The following ZNF385B variants were observed in gnomAD, a reference collection of about 807,000 sequenced individuals.
The protein encoded by ZNF385B is zinc finger protein 385B, also known as zinc finger protein 533.
Under a neutral mutation model 39.2 loss-of-function variants are expected in ZNF385B, and 23 were observed. The observed-to-expected ratio is 0.59, with a 90% CI of 0.42 to 0.83. The LOEUF is 0.83. Among genes scored for constraint, ZNF385B ranks in the 40% least tolerant of loss-of-function variants. The pLI, the probability that ZNF385B is intolerant of heterozygous loss-of-function variation, is 0.00. For synonymous variants in ZNF385B, 205 were observed against 222.6 expected, an observed-to-expected ratio of 0.92 and a Z score of 0.70; for missense variants, 552 against 598.9, an observed-to-expected ratio of 0.92 and a Z score of 0.82.
intron 6 of ZNF385B, among the ~76,000 whole-genome samples, chr2:179,451,156 C>T (rs6750512): frequency 0.089 from 13,204 of 148,312 alleles, 796 homozygotes; most frequent in Admixed American, 0.13. Context: ...TGTTAAATGA[C>T]GAGTTAGTGG....
At chr2:179,779,052 A>G (rs904105203) in intron 1 of ZNF385B, among the ~76,000 whole-genome samples, 2 of 152,214 alleles carry the variant, frequency 1.3e-5, no homozygotes, top group African/African-American at 4.8e-5. Context: ...TCTTAAATTG[A>G]TTATATTTAC....
intron 1 of ZNF385B, among the ~76,000 whole-genome samples, chr2:179,854,841 T>C (rs1224154187): frequency 6.6e-6 from 1 of 152,210 alleles, no homozygotes; most frequent in Non-Finnish European, 1.5e-5. Flanking sequence ...AAAGTACACA[T>C]CACATCACAG....
chr2:179,486,636 T>C (rs557566758), intron 5 of ZNF385B, among the ~76,000 whole-genome samples: 8 of 152,272 alleles, frequency 5.3e-5, no homozygotes, highest in African/African-American at 1.9e-4. Context: ...AAGTTCCACT[T>C]TTAGGCCAGG....
intron 3 of ZNF385B, among the ~76,000 whole-genome samples, chr2:179,614,943 T>A (rs1397235890): frequency 6.6e-6 from 1 of 152,364 alleles, no homozygotes; most frequent in East Asian, 1.9e-4. Flanking sequence ...CCTCTGGTAT[T>A]TGTCCTACTT....
chr2:179,739,302 T>C (rs1212033202), intron 3 of ZNF385B, among the ~76,000 whole-genome samples: 1 of 152,214 alleles, frequency 6.6e-6, no homozygotes, highest in Admixed American at 6.5e-5. Flanking sequence ...GGAGAGCTGA[T>C]CTGATGCGGT....
intron 3 of ZNF385B, among the ~76,000 whole-genome samples, chr2:179,691,128 T>C (rs1439284091): frequency 2.0e-5 from 3 of 152,204 alleles, no homozygotes; most frequent in Admixed American, 2.0e-4. Flanking sequence ...ATCACATTGA[T>C]TTGTGCTATA....
Position 179,847,077 on chromosome 2 carries a change from T to G in ZNF385B, c.-155+14024A>C, listed in dbSNP as rs1423067524. Reference sequence around the variant, plus strand: ...CTTAGTTAACAGTGTTTAAAATCGCTGAAGAACACAAATATACTCTTCCCC... The same window carrying G: ...CTTAGTTAACAGTGTTTAAAATCGCGGAAGAACACAAATATACTCTTCCCC... On this transcript the variant is annotated intron_variant, in intron 1 of 9. Transcript: ENST00000410066. 2.6e-5 allele frequency among the ~76,000 whole-genome samples: 4 copies of G among 152,252 alleles called. No homozygotes were observed. In the East Asian group the frequency reaches 7.7e-4, roughly 29 times the overall value.
chr2:179,475,589 G>A (rs1428205086), intron 6 of ZNF385B, among the ~76,000 whole-genome samples: 2 of 151,576 alleles, frequency 1.3e-5, no homozygotes, highest in Non-Finnish European at 2.9e-5. Flanking sequence ...CTATAGAAAT[G>A]AGAGCACCAA....
At chr2:179,520,383 A>C (rs1448642077) in intron 4 of ZNF385B, among the ~76,000 whole-genome samples, 1 of 152,128 alleles carries the variant, frequency 6.6e-6, no homozygotes, top group Admixed American at 6.5e-5. Context: ...TGGAAAATCT[A>C]GGGATTCATA....
intron 1 of ZNF385B, among the ~76,000 whole-genome samples, chr2:179,775,032 A>C (rs911265601): frequency 9.8e-5 from 15 of 152,288 alleles, no homozygotes; most frequent in African/African-American, 3.6e-4. Context: ...CCATTTAACT[A>C]TGTTGAAATG....
At chr2:179,466,825 G>A (rs1053398401) in intron 6 of ZNF385B, among the ~76,000 whole-genome samples, 4 of 143,656 alleles carry the variant, frequency 2.8e-5, no homozygotes, top group African/African-American at 1.0e-4. Context: ...GGAGGCTGAG[G>A]CAGAAGAATT....
intron 1 of ZNF385B, among the ~76,000 whole-genome samples, chr2:179,821,144 AC>A (rs1363146127): frequency 1.3e-5 from 2 of 152,128 alleles, no homozygotes; most frequent in Non-Finnish European, 1.5e-5. Flanking sequence ...CCTGCAGCTG[AC>A]CAGTGGACAC....
At chr2:179,630,984 G>A (rs1459078298) in intron 3 of ZNF385B, among the ~76,000 whole-genome samples, 1 of 152,158 alleles carries the variant, frequency 6.6e-6, no homozygotes, top group Non-Finnish European at 1.5e-5. Context: ...AGAGTAAAAA[G>A]AAATGAACAA....
intron 5 of ZNF385B, among the ~76,000 whole-genome samples, chr2:179,486,629 T>C (rs370868937): frequency 1.3e-5 from 2 of 152,274 alleles, no homozygotes; most frequent in African/African-American, 2.4e-5. Context: ...GTAAAGAAAG[T>C]TCCACTTTTA....
chr2:179,786,723 T>C (rs1705028725), intron 1 of ZNF385B, among the ~76,000 whole-genome samples: 1 of 151,924 alleles, frequency 6.6e-6, no homozygotes, highest in African/African-American at 2.4e-5. Flanking sequence ...TTTTTGACTA[T>C]TTAAAGATAT....
intron 3 of ZNF385B, among the ~76,000 whole-genome samples, chr2:179,725,979 CT>C (rs2106415492): frequency 6.7e-6 from 1 of 150,342 alleles, no homozygotes; most frequent in African/African-American, 2.4e-5. Context: ...AGCACACTAC[CT>C]TCCCACCTTA....
rs377619472 is a variant in ZNF385B at position 179,786,416 on chromosome 2, A to T, written c.-154-15744T>A. 6.0e-4 allele frequency among the ~76,000 whole-genome samples: 92 copies of T among 152,292 alleles called. 2 individuals carry two copies. The South Asian group carries it at 0.018, about 30-fold the overall frequency. ...GATTTTGTTTTCCACTTTTTCAATTATGAATATCTTTCCATGCATTAAATA... is the reference window on the plus strand; with the variant it reads ...GATTTTGTTTTCCACTTTTTCAATTTTGAATATCTTTCCATGCATTAAATA... On this transcript the variant is annotated intron_variant, in intron 1 of 9. Transcript: ENST00000410066.
chr2:179,741,252 C>A (rs1265195770), intron 3 of ZNF385B, among the ~76,000 whole-genome samples: 2 of 152,110 alleles, frequency 1.3e-5, no homozygotes, highest in Non-Finnish European at 1.5e-5. Flanking sequence ...TAATCAACTG[C>A]AGGTTCTCCT....
At chr2:179,762,321 C>A (rs1703449937) in intron 3 of ZNF385B, among the ~76,000 whole-genome samples, 1 of 152,120 alleles carries the variant, frequency 6.6e-6, no homozygotes, top group Non-Finnish European at 1.5e-5. Context: ...TCCTGAGTAG[C>A]TGGGATTACA....
Sources: allele counts gnomAD v4.1 joint callset (sites outside exome capture counted in the v4.1 genomes callset), GRCh38; gene constraint gnomAD v4.1.1; transcripts MANE v1.5; gene names NCBI Gene and HGNC (gene_info 2026-07-23, HGNC 2026-07-21).